IQANK1: variants seen among roughly 807,000 people sequenced by gnomAD.
IQANK1 encodes the protein IQ motif and ankyrin repeat containing 1.
A neutral mutation model predicts 22.6 loss-of-function variants in IQANK1; 30 were observed. The ratio of observed to expected loss-of-function variants is 1.33; its 90% CI spans 0.99 to 1.80. The LOEUF (loss-of-function observed/expected upper bound fraction) is 1.80. IQANK1 is among the 40% of genes most tolerant of loss of function. The pLI, the probability that IQANK1 is intolerant of heterozygous loss-of-function variation, is 0.00. For missense variants in IQANK1, 275 were observed against 235.2 expected (o/e 1.17, Z -1.11); for synonymous variants, 122 against 99.6 (o/e 1.23, Z -1.34).
intron 7 of IQANK1, among the ~76,000 whole-genome samples, chr8:143,782,509 G>A (rs1439060094): frequency 4.0e-5 from 6 of 151,518 alleles, no homozygotes; most frequent in East Asian, 3.9e-4. Flanking sequence ...ACAGAGTTTC[G>A]CTCTTGTTGC....
At chr8:143,742,303 C>T (rs1554626639) in intron 3 of IQANK1, 1 of 445,534 alleles carries the variant, frequency 2.2e-6, no homozygotes, top group East Asian at 7.1e-5. Context: ...GAGGTGCCCC[C>T]CGGGGGCTTC....
At chr8:143,786,944 C>T (rs558829388) in intron 7 of IQANK1, among the ~76,000 whole-genome samples, 20 of 152,256 alleles carry the variant, frequency 1.3e-4, no homozygotes, top group Middle Eastern at 3.4e-3. Flanking sequence ...GGGGGCTGAT[C>T]GAGGAATACA....
chr8:143,768,406 C>T (rs1554629417), intron 3 of IQANK1, among the ~76,000 whole-genome samples: 1 of 151,950 alleles, frequency 6.6e-6, no homozygotes. Flanking sequence ...TGTAAATGTA[C>T]TATGTTTTCC....
At chr8:143,748,830 T>TAATATATAAATATATAAATATATATA (rs1554627615) in intron 3 of IQANK1, among the ~76,000 whole-genome samples, 2 of 84,004 alleles carry the variant, frequency 2.4e-5, no homozygotes, top group Non-Finnish European at 4.2e-5. Flanking sequence ...AAATATATAT[T>TAATATATAAATATATAAATATATATA]TCATATATAA....
At position 143,739,883 on chromosome 8, in the gene IQANK1, C is replaced by G. The variant is rs1554626202; in HGVS notation, c.110C>G (p.Pro37Arg). The stretch of plus-strand genomic sequence containing the variant: ...GGGAAGCCCGGGGAGAACCGCCCGC[C>G]GCAGAGGAAAGCGGGCTGGCAGGCG... ...AAGKPGENRP[P>R]QRKAGWQARE... Residue 37 changes from proline (P) to arginine (R), a missense_variant, in exon 3 of 14, where the codon CCG becomes CGG. Transcript: ENST00000527139. The G allele has an allele frequency of 1.4e-6, 1 of 696,578 alleles. No individual in the cohort carries two copies. The highest frequency in any genetic ancestry group is 1.5e-5 in the South Asian group (1 of 66,340). 43.1% of individuals were successfully genotyped at this position (696,578 alleles called of 1,614,324 possible).
intron 7 of IQANK1, among the ~76,000 whole-genome samples, chr8:143,778,527 A>G (rs1819734187): frequency 6.6e-6 from 1 of 152,202 alleles, no homozygotes; most frequent in African/African-American, 2.4e-5. Flanking sequence ...TGAGAACTAC[A>G]AGGAGAAATA....
intron 3 of IQANK1, among the ~76,000 whole-genome samples, chr8:143,753,747 G>A (rs996960254): frequency 6.6e-6 from 1 of 152,054 alleles, no homozygotes; most frequent in Non-Finnish European, 1.5e-5. Flanking sequence ...GAGCCACCAC[G>A]CCCAGCTTTT....
chr8:143,784,332 T>TC (rs1345521802), intron 7 of IQANK1, among the ~76,000 whole-genome samples: 11 of 152,214 alleles, frequency 7.2e-5, no homozygotes, highest in African/African-American at 2.6e-4. Context: ...ATGTAGCACC[T>TC]CCCCCTGCTC....
chr8:143,734,286 G>T (rs1818658686), intron 1 of IQANK1, 67 bp downstream of exon 1: 1 of 152,010 alleles, frequency 6.6e-6, no homozygotes, highest in African/African-American at 2.4e-5. Flanking sequence ...GAGCACAGGG[G>T]ATCCCCTCAC....
intron 2 of IQANK1, among the ~76,000 whole-genome samples, chr8:143,737,311 C>T (rs1057185829): frequency 2.0e-5 from 3 of 152,212 alleles, no homozygotes; most frequent in Admixed American, 6.5e-5. Flanking sequence ...CCCAGGCCTT[C>T]GCCCTGCACC....
chr8:143,735,012 C>T lies in IQANK1; in HGVS notation c.-5+793C>T, dbSNP rs371036853. Among the ~76,000 whole-genome samples the T allele has an allele frequency of 2.6e-5, 4 of 152,322 alleles. No individual in the cohort carries two copies. Among genetic ancestry groups the T allele is most frequent in the African/African-American group, 9.6e-5 (4 of 41,584 alleles). ...ACTCCCACCCCAAGGACTGGCCCTG[C>T]CTCAACCCTTTCTGATGGTCATCAG... On this transcript the variant is annotated intron_variant, in intron 1 of 13. Coordinates refer to ENST00000527139, the MANE Select transcript of IQANK1 (RefSeq NM_001381874.1). The surrounding 1 kb of genome is among the most constrained non-coding windows in gnomAD (Gnocchi z 5.2).
In IQANK1 at chr8:143,776,327, CAAAAAAAAAA is replaced by C. The variant is rs57571355; in HGVS notation, c.789+3854_789+3863del. On this transcript the variant is annotated intron_variant, in intron 7 of 13. Coordinates refer to ENST00000527139, the MANE Select transcript of IQANK1 (RefSeq NM_001381874.1). ...TGGGCGACAGAGCGAGACTCCGTCT[CAAAAAAAAAA>C]AAAAAAAAGAAAAAGAAAAAAGAAA... is the stretch of plus-strand genomic sequence containing the variant. Among the ~76,000 whole-genome samples, 17 of 105,882 alleles carry C rather than the reference CAAAAAAAAAA, an allele frequency of 1.6e-4. No individual in the cohort carries two copies. The East Asian group carries it at 3.6e-3, about 22-fold the overall frequency. 69.5% of individuals were successfully genotyped at this position (105,882 alleles called of 152,430 possible).
chr8:143,782,374 C>T (rs1293311431), intron 7 of IQANK1, among the ~76,000 whole-genome samples: 1 of 152,182 alleles, frequency 6.6e-6, no homozygotes, highest in East Asian at 1.9e-4. Flanking sequence ...GAGAGAGCAT[C>T]CTTGTCTTGT....
chr8:143,768,269 G>A (rs1819513741), intron 3 of IQANK1, among the ~76,000 whole-genome samples: 1 of 152,096 alleles, frequency 6.6e-6, no homozygotes, highest in Admixed American at 6.6e-5. Context: ...GGCTTACGGT[G>A]CGGGAACGTC....
At chr8:143,749,335 AT>A (rs1554627730) in intron 3 of IQANK1, among the ~76,000 whole-genome samples, 4 of 3,236 alleles carry the variant, frequency 1.2e-3, no homozygotes, top group Admixed American at 6.0e-3. Flanking sequence ...AATATATAAA[AT>A]ATATAAAAAC....
intron 3 of IQANK1, among the ~76,000 whole-genome samples, chr8:143,756,462 T>C (rs1819294763): frequency 6.6e-6 from 1 of 152,122 alleles, no homozygotes; most frequent in Non-Finnish European, 1.5e-5. Context: ...CACAGGCATC[T>C]GAGCCGCCAG....
At chr8:143,749,649 G>T (rs1819150622) in intron 3 of IQANK1, among the ~76,000 whole-genome samples, 1 of 144,576 alleles carries the variant, frequency 6.9e-6, no homozygotes. Context: ...AGGCTGGAGT[G>T]CAGTGGCATG....
At chr8:143,751,658 G>A (rs372132540) in intron 3 of IQANK1, among the ~76,000 whole-genome samples, 12,939 of 38,602 alleles carry the variant, frequency 0.34, 2,356 homozygotes, top group African/African-American at 0.52. Context: ...GTGTGTGTGT[G>A]TGTGTGTATA....
At chr8:143,752,022 A>G (rs1257095045) in intron 3 of IQANK1, among the ~76,000 whole-genome samples, 3 of 151,752 alleles carry the variant, frequency 2.0e-5, no homozygotes, top group South Asian at 2.1e-4. Flanking sequence ...CTGGAGTGCA[A>G]TGGCACAATC....
Sources: allele counts gnomAD v4.1 joint callset (sites outside exome capture counted in the v4.1 genomes callset), GRCh38; gene constraint gnomAD v4.1.1; non-coding constraint Gnocchi (gnomAD v3.1); transcripts MANE v1.5; gene names NCBI Gene and HGNC (gene_info 2026-07-23, HGNC 2026-07-21).